Variants in NOTCH3 observed in about 807,000 individuals in gnomAD.
NOTCH3 encodes the protein neurogenic locus notch homolog protein 3.
Under a neutral mutation model 213.3 loss-of-function variants are expected in NOTCH3, and 86 were observed. That is an observed-to-expected ratio of 0.40 (90% CI 0.34 to 0.48). NOTCH3 has a LOEUF of 0.48. Ranked by LOEUF, NOTCH3 falls within the 20% of genes least tolerant of loss-of-function variation. The pLI is 0.57. For missense variants in NOTCH3, 2,783 were observed against 3,272.6 expected (o/e 0.85, Z 3.65); for synonymous variants, 1,354 against 1,355.9 (o/e 1.00, Z 0.03).
intron 6 of NOTCH3, 139 bp from the exon 7 acceptor site, chr19:15,189,567 G>T: frequency 9.7e-7 from 1 of 1,034,558 alleles, no homozygotes; most frequent in Non-Finnish European, 1.5e-6. Context: ...TGCCCAAGCT[G>T]GAGTACAATA....
rs563135804 is a variant in NOTCH3 at position 15,160,723 on chromosome 19, T to C, written c.6905A>G (p.Gln2302Arg). Residue 2302 changes from glutamine (Q) to arginine (R), a missense_variant, in exon 33 of 33, where the codon CAG (glutamine) becomes CGG (arginine). Physicochemically the swap from Gln to Arg is conservative, Grantham distance 43. Around this residue, in one of 6 missense-constraint regions of NOTCH3, gnomAD observed 441 missense variants for 432.1 expected, o/e 1.02. Coordinates refer to ENST00000263388, the MANE Select transcript of NOTCH3 (RefSeq NM_000435.3). ...LPLSVPSSLAQAQTQLGPQPE... is the reference protein window; with the variant it reads ...LPLSVPSSLARAQTQLGPQPE... ...CTGGGGCCCCAGCTGGGTCTGGGCCTGAGCAAGGGAGCTGGGAACAGACAA... is the reference window on the plus strand; with the variant it reads ...CTGGGGCCCCAGCTGGGTCTGGGCCCGAGCAAGGGAGCTGGGAACAGACAA... 4.4e-5 allele frequency: 71 copies of C among 1,614,122 alleles called. No homozygotes were observed. Among genetic ancestry groups the C allele is most frequent in the Non-Finnish European group, 5.8e-5 (69 of 1,179,990 alleles).
chr19:15,181,481 G>T (rs2046840952), intron 17 of NOTCH3, 95 bp downstream of exon 17: 4 of 1,017,904 alleles, frequency 3.9e-6, no homozygotes, highest in African/African-American at 1.6e-5. Flanking sequence ...CCAAGCTGAG[G>T]ACTCCCCCAA....
chr19:15,171,731 T>C (rs1599370914), intron 25 of NOTCH3, among the ~76,000 whole-genome samples: 1 of 152,188 alleles, frequency 6.6e-6, no homozygotes, highest in African/African-American at 2.4e-5. Flanking sequence ...AGTGCAGTGG[T>C]GCAATCTCAG....
chr19:15,166,031 G>C lies in NOTCH3; in HGVS notation c.5423C>G (p.Thr1808Ser). ...FCGGALEPMPTEEDEADDTSA... is the reference protein window; with the variant it reads ...FCGGALEPMPSEEDEADDTSA... ...TGTGTCATCTGCCTCATCCTCTTCA[G>C]TTGGCATTGGCTCCAGAGCCCCCCC... is the stretch of plus-strand genomic sequence containing the variant. The change falls in exon 30 of 33, where the codon ACT becomes AGT. Residue 1808 changes from threonine to serine, a missense_variant. By Grantham distance (58) the Thr-to-Ser change is moderately conservative (BLOSUM62 1). Coordinates refer to ENST00000263388, the MANE Select transcript of NOTCH3 (RefSeq NM_000435.3). The C allele has an allele frequency of 6.2e-7, 1 of 1,614,180 alleles. No homozygotes were observed. Among genetic ancestry groups the C allele is most frequent in the Non-Finnish European group, 8.5e-7 (1 of 1,180,030 alleles).
rs547254214 is a variant in NOTCH3, at chr19:15,165,170, G to A, written c.5815+198C>T. Reference sequence around the variant, plus strand: ...TGGAAATGAAGTATCTAGGGGAAAGGCACCTTTTTCTAAATCCCTGAGGCA... The same window carrying A: ...TGGAAATGAAGTATCTAGGGGAAAGACACCTTTTTCTAAATCCCTGAGGCA... On this transcript the variant is annotated intron_variant, in intron 31 of 32. Coordinates refer to ENST00000263388, the MANE Select transcript of NOTCH3 (RefSeq NM_000435.3). This position sits in a 1 kb window ranked among gnomAD's most constrained non-coding sequence, Gnocchi z 4.7. 6.6e-6 allele frequency among the ~76,000 whole-genome samples: 1 copy of A among 152,104 alleles called. No individual in the cohort carries two copies. The highest frequency in any genetic ancestry group is 1.5e-5 in the Non-Finnish European group (1 of 68,018).
intron 2 of NOTCH3, among the ~76,000 whole-genome samples, chr19:15,196,414 G>C (rs2046971248): frequency 1.3e-5 from 2 of 152,068 alleles, no homozygotes; most frequent in South Asian, 4.2e-4. Context: ...CTCCACAAAG[G>C]TGAGCCCGAG....
rs779879597 is a variant in NOTCH3 at position 15,179,461 on chromosome 19, G to A, written c.3363C>T (p.Asp1121=). ...GCTGGGAGGCACACTCGTCCACGTC[G>A]TCCTCACAGTTATCACCATTGTAGC... ...LPGYNGDNCE[D]DVDECASQPC... Residue 1121 remains aspartate (D), a synonymous_variant, in exon 21 of 33, where the codon GAC becomes GAT. Coordinates refer to ENST00000263388, the MANE Select transcript of NOTCH3 (RefSeq NM_000435.3). 9 of 1,613,992 alleles carry A rather than the reference G, an allele frequency of 5.6e-6. No homozygotes were observed. Among genetic ancestry groups the A allele is most frequent in the Non-Finnish European group, 2.5e-6 (3 of 1,179,986 alleles).
At chr19:15,191,309 A>T in intron 6 of NOTCH3, 115 bp downstream of exon 6, 1 of 955,812 alleles carries the variant, frequency 1.0e-6, no homozygotes, top group Non-Finnish European at 1.6e-6. Context: ...CTATGATTAC[A>T]GGCATGAGCC....
Position 15,170,555 on chromosome 19 carries a change from T to G in NOTCH3, c.4892-2A>C. ...GTTCTGGAGGCTCCAGCGGCTCCCC[T>G]AAGAGCAGGAAGCAGAGGGCGGGGC... On this transcript the variant is annotated splice_acceptor_variant, in intron 26 of 32. Coordinates refer to ENST00000263388, the MANE Select transcript of NOTCH3 (RefSeq NM_000435.3). LOFTEE classifies it high-confidence loss of function. The G allele has an allele frequency of 6.2e-7, 1 of 1,608,214 alleles. No individual in the cohort carries two copies.
Position 15,165,308 on chromosome 19 carries a change from T to C in NOTCH3, c.5815+60A>G. On this transcript the variant is annotated intron_variant, in intron 31 of 32. Coordinates refer to ENST00000263388, the MANE Select transcript of NOTCH3 (RefSeq NM_000435.3). This position sits in a 1 kb window ranked among gnomAD's most constrained non-coding sequence, Gnocchi z 4.7. ...ACATGGGTATGAATTTGCACCAACA[T>C]GACCCTCAGGGCCCAGGTGACACCA... 6.4e-7 allele frequency: 1 copy of C among 1,559,496 alleles called. No individual in the cohort carries two copies. The highest frequency in any genetic ancestry group is 1.3e-5 in the African/African-American group (1 of 74,238).
At position 15,170,026 on chromosome 19, in the gene NOTCH3, A is replaced by G; in HGVS notation, c.5199+60T>C. On this transcript the variant is annotated intron_variant, in intron 28 of 32. Coordinates refer to ENST00000263388, the MANE Select transcript of NOTCH3 (RefSeq NM_000435.3). ...ACGCCCATCATCCACTGGGGACCCC[A>G]CCCAGTACCCTGAGGGGAGGGGTCA... is the stretch of plus-strand genomic sequence containing the variant. 6 of 962,728 alleles carry G rather than the reference A, an allele frequency of 6.2e-6. No individual in the cohort carries two copies. In the South Asian group the frequency reaches 6.9e-5, roughly 11 times the overall value. The allele number at this position is 962,728 out of a possible 1,614,324, so 59.6% of individuals were successfully genotyped here.
In NOTCH3 at chr19:15,185,919, T is replaced by C. The variant is rs1330624479; in HGVS notation, c.1952-240A>G. 2.6e-5 allele frequency among the ~76,000 whole-genome samples: 4 copies of C among 152,142 alleles called. No homozygotes were observed. The highest frequency in any genetic ancestry group is 4.4e-5 in the Non-Finnish European group (3 of 68,010). On this transcript the variant is annotated intron_variant, in intron 12 of 32. Coordinates refer to ENST00000263388, the MANE Select transcript of NOTCH3 (RefSeq NM_000435.3). This position sits in a 1 kb window ranked among gnomAD's most constrained non-coding sequence, Gnocchi z 4.2. The stretch of plus-strand genomic sequence containing the variant: ...TCTTTTTCTTTTCTTCTTCTTCTTA[T>C]TTTTTGAGATGGGGTCTCACTCTGT...
rs764912849 is a variant in NOTCH3, at chr19:15,180,222, C to T, written c.3177G>A (p.Gly1059=). The T allele has an allele frequency of 6.2e-7, 1 of 1,613,794 alleles. No homozygotes were observed. Among genetic ancestry groups the T allele is most frequent in the South Asian group, 1.1e-5 (1 of 91,080 alleles). The change falls in exon 20 of 33, where the codon GGG becomes GGA. Residue 1059 remains glycine, a synonymous_variant. Transcript: ENST00000263388. ...GGGAGCTGTCTTCATCCACACACTG[C>T]CCACCCGCCTGACACAGCTGCTCCA... ...VRLEQLCQAG[G]QCVDEDSSHY...
intron 23 of NOTCH3, chr19:15,178,299 G>GATAAGCCCTGCCATCCC: frequency 1.9e-6 from 1 of 538,494 alleles, no homozygotes; most frequent in South Asian, 2.5e-5. Flanking sequence ...CCACCTGGCA[G>GATAAGCCCTGCCATCCC]ATAAGCCCTG....
intron 24 of NOTCH3, among the ~76,000 whole-genome samples, chr19:15,175,872 T>G (rs550679450): frequency 6.7e-6 from 1 of 148,192 alleles, no homozygotes; most frequent in Non-Finnish European, 1.5e-5. Flanking sequence ...TGGAACAGAG[T>G]GAGTGAGGGG....
Position 15,165,610 on chromosome 19 carries a change from C to T in NOTCH3, c.5668-95G>A. On this transcript the variant is annotated intron_variant, in intron 30 of 32. Coordinates refer to ENST00000263388, the MANE Select transcript of NOTCH3 (RefSeq NM_000435.3). The surrounding 1 kb of genome is among the most constrained non-coding windows in gnomAD (Gnocchi z 4.7). ...CCCATGAAGTCCCCAACCCCCATAC[C>T]CCAACCCCTGAAATTGGTGAGGTTC... 7.2e-7 allele frequency: 1 copy of T among 1,386,242 alleles called. No homozygotes were observed. The highest frequency in any genetic ancestry group is 1.3e-5 in the South Asian group (1 of 79,288). 85.9% of individuals were successfully genotyped at this position (1,386,242 alleles called of 1,614,324 possible).
intron 6 of NOTCH3, among the ~76,000 whole-genome samples, chr19:15,190,837 T>C (rs1444102677): frequency 6.6e-6 from 1 of 152,198 alleles, no homozygotes; most frequent in Non-Finnish European, 1.5e-5. Flanking sequence ...TCTACCCGCC[T>C]GGGCCTCCCA....
At chr19:15,190,468 G>T (rs11665884) in intron 6 of NOTCH3, among the ~76,000 whole-genome samples, 85,451 of 151,898 alleles carry the variant, frequency 0.56, 27,184 homozygotes, top group Non-Finnish European at 0.72. Flanking sequence ...TAACTCCCAG[G>T]AGTTCCCCAT....
intron 23 of NOTCH3, 82 bp from the exon 24 acceptor site, chr19:15,178,172 G>C: frequency 1.2e-6 from 1 of 852,572 alleles, no homozygotes; most frequent in Non-Finnish European, 1.8e-6. Flanking sequence ...GAGGAGTGGG[G>C]AAAAGAAGAG....
Sources: allele counts gnomAD v4.1 joint callset (sites outside exome capture counted in the v4.1 genomes callset), GRCh38; gene constraint gnomAD v4.1.1; regional missense constraint gnomAD v4.1.1; non-coding constraint Gnocchi (gnomAD v3.1); transcripts MANE v1.5; gene names NCBI Gene and HGNC (gene_info 2026-07-23, HGNC 2026-07-21).